Variants in GNA15 observed in about 807,000 individuals in gnomAD.
The protein encoded by GNA15 is guanine nucleotide-binding protein subunit alpha-15.
Under a neutral mutation model 40.1 loss-of-function variants are expected in GNA15, and 23 were observed. The ratio of observed to expected loss-of-function variants is 0.57; its 90% confidence interval spans 0.41 to 0.81. The LOEUF (loss-of-function observed/expected upper bound fraction) is 0.81. GNA15 is among the 40% of genes least tolerant of loss of function. The pLI is 0.00. For synonymous variants in GNA15, 226 were observed against 210.4 expected (o/e 1.07, Z -0.64); for missense variants, 522 against 515.8 (o/e 1.01, Z -0.12).
At chr19:3,159,211 A>T (rs1158222353) in intron 6 of GNA15, among the ~76,000 whole-genome samples, 1 of 150,048 alleles carries the variant, frequency 6.7e-6, no homozygotes, top group African/African-American at 2.5e-5. Flanking sequence ...TTTTTGGTCG[A>T]GATGGGGTTT....
At chr19:3,140,050 T>TCTAC (rs1914543859) in intron 1 of GNA15, among the ~76,000 whole-genome samples, 1 of 148,744 alleles carries the variant, frequency 6.7e-6, no homozygotes, top group South Asian at 2.1e-4. Context: ...AAAAAATCTA[T>TCTAC]CTATCTATCT....
chr19:3,144,622 C>T (rs1026937771), intron 1 of GNA15, among the ~76,000 whole-genome samples: 2 of 145,592 alleles, frequency 1.4e-5, no homozygotes, highest in Non-Finnish European at 3.0e-5. Context: ...TCCGCCTCCC[C>T]GGTTCACGCC....
intron 1 of GNA15, among the ~76,000 whole-genome samples, chr19:3,138,453 C>T (rs944514601): frequency 2.6e-5 from 4 of 152,120 alleles, no homozygotes; most frequent in East Asian, 1.9e-4. Context: ...TCTGGACTCG[C>T]GTTTGTCTGC....
At chr19:3,145,360 T>TATATATATA (rs1555705683) in intron 1 of GNA15, among the ~76,000 whole-genome samples, 313 of 21,524 alleles carry the variant, frequency 0.015, 2 homozygotes, top group African/African-American at 0.07. Flanking sequence ...TATATATATA[T>TATATATATA]TTTTTTTTTT....
chr19:3,142,095 G>T (rs1914590485), intron 1 of GNA15: 1 of 152,382 alleles, frequency 6.6e-6, no homozygotes. Flanking sequence ...TGATGACTGG[G>T]GCTTGGCACG....
chr19:3,148,587 C>A lies in GNA15; in HGVS notation c.146-4C>A, dbSNP rs747846070. 3 of 1,567,348 alleles carry A rather than the reference C, an allele frequency of 1.9e-6. No homozygotes were observed. The highest frequency in any genetic ancestry group is 2.7e-5 in the African/African-American group (2 of 73,902). ...GCTGAGCGGTTCTGCTGCTCCATCCCCAGGCCCAGGCGAGAGCGGGAAGAG... is the reference window on the plus strand; with the variant it reads ...GCTGAGCGGTTCTGCTGCTCCATCCACAGGCCCAGGCGAGAGCGGGAAGAG... On this transcript the variant is annotated splice_region_variant and splice_polypyrimidine_tract_variant and intron_variant, in intron 1 of 6. Coordinates refer to ENST00000262958, the MANE Select transcript of GNA15 (RefSeq NM_002068.4).
At chr19:3,154,537 T>G (rs1212633490) in intron 4 of GNA15, among the ~76,000 whole-genome samples, 1 of 149,006 alleles carries the variant, frequency 6.7e-6, no homozygotes, top group Non-Finnish European at 1.5e-5. Context: ...GGTGGGTCGG[T>G]GGGTGGATTT....
At position 3,136,307 on chromosome 19, in the gene GNA15, G is replaced by C. The variant is rs1364302565; in HGVS notation, c.-144G>C. ...TTCAGGCAAGGAAGTCTAGGTCCCT[G>C]GGGGGTGACCCCCAAGGAAAAGGCA... On this transcript the variant is annotated 5_prime_UTR_variant, in exon 1 of 7. Transcript: ENST00000262958. The surrounding 1 kb of genome is among the most constrained non-coding windows in gnomAD (Gnocchi z 4.9). 1 of 776,508 alleles carries C rather than the reference G, an allele frequency of 1.3e-6. No individual in the cohort carries two copies. The highest frequency in any genetic ancestry group is 1.8e-5 in the African/African-American group (1 of 55,662). 48.1% of individuals were successfully genotyped at this position (776,508 alleles called of 1,614,324 possible). A position where few individuals can be genotyped will look rare whatever the true frequency, so the allele number is the denominator to read the frequency against.
At chr19:3,145,359 A>ATATATATATATATATATATATTT in intron 1 of GNA15, among the ~76,000 whole-genome samples, 97 of 46,950 alleles carry the variant, frequency 2.1e-3, no homozygotes, top group Non-Finnish European at 3.0e-3. Context: ...ATATATATAT[A>ATATATATATATATATATATATTT]TTTTTTTTTT....
chr19:3,155,819 G>C lies in GNA15; in HGVS notation c.615-4G>C. 1 of 1,612,544 alleles carries C rather than the reference G, an allele frequency of 6.2e-7. No individual in the cohort carries two copies. Among genetic ancestry groups the C allele is most frequent in the Non-Finnish European group, 8.5e-7 (1 of 1,179,718 alleles). On this transcript the variant is annotated splice_region_variant and splice_polypyrimidine_tract_variant and intron_variant, in intron 4 of 6. Coordinates refer to ENST00000262958, the MANE Select transcript of GNA15 (RefSeq NM_002068.4). The surrounding 1 kb of genome is among the most constrained non-coding windows in gnomAD (Gnocchi z 5.6). ...CTGAAAGGGGGCACCTCGGTTCCCTGTAGGATCGTGGACGTCGGGGGCCAG... is the reference window on the plus strand; with the variant it reads ...CTGAAAGGGGGCACCTCGGTTCCCTCTAGGATCGTGGACGTCGGGGGCCAG...
Position 3,136,512 on chromosome 19 carries a change from C to A in GNA15, c.62C>A (p.Ala21Asp), listed in dbSNP as rs1324102337. Reference sequence around the variant, plus strand: ...TGCCTGACGGAGGATGAGAAGGCCGCCGCCCGGGTGGACCAGGAGATCAAC... The same window carrying A: ...TGCCTGACGGAGGATGAGAAGGCCGACGCCCGGGTGGACCAGGAGATCAAC... ...PWCLTEDEKA[A>D]ARVDQEINRI... is the part of the protein sequence containing the mutation. The change falls in exon 1 of 7, where the codon GCC becomes GAC. Residue 21 changes from alanine to aspartate, a missense_variant. By Grantham distance (126) the Ala-to-Asp change is moderately radical. Coordinates refer to ENST00000262958, the MANE Select transcript of GNA15 (RefSeq NM_002068.4). This position sits in a 1 kb window ranked among gnomAD's most constrained non-coding sequence, Gnocchi z 4.9. 6.4e-7 allele frequency: 1 copy of A among 1,563,772 alleles called. No individual in the cohort carries two copies.
chr19:3,142,786 C>T (rs901020), intron 1 of GNA15, among the ~76,000 whole-genome samples: 35,064 of 151,994 alleles, frequency 0.23, 4,044 homozygotes, highest in Non-Finnish European at 0.26. Context: ...GCAGGAGAAT[C>T]GCTTGAACCT....
intron 6 of GNA15, among the ~76,000 whole-genome samples, chr19:3,159,664 A>G (rs1915102832): frequency 6.6e-6 from 1 of 152,242 alleles, no homozygotes; most frequent in Non-Finnish European, 1.5e-5. Flanking sequence ...TTTTTAAAGC[A>G]GAGCTTTGAA....
chr19:3,154,536 G>C (rs999826734), intron 4 of GNA15, among the ~76,000 whole-genome samples: 7 of 151,030 alleles, frequency 4.6e-5, no homozygotes, highest in Admixed American at 1.3e-4. Flanking sequence ...GGGTGGGTCG[G>C]TGGGTGGATT....
rs1191752115 is a variant in GNA15, at chr19:3,145,336, A to AATATATAT, written c.146-3238_146-3231dup. On this transcript the variant is annotated intron_variant, in intron 1 of 6. Coordinates refer to ENST00000262958, the MANE Select transcript of GNA15 (RefSeq NM_002068.4). Reference sequence around the variant, plus strand: ...CAGTGTGCACCACTACGTCTGACTAAATATATATATATATATATATATATT... The same window carrying AATATATAT: ...CAGTGTGCACCACTACGTCTGACTAAATATATATATATATATATATATATATATATATT... Among the ~76,000 whole-genome samples the AATATATAT allele has an allele frequency of 1.9e-3, 113 of 60,202 alleles. 2 individuals carry two copies. The highest frequency in any genetic ancestry group is 7.7e-3 in the African/African-American group (97 of 12,566). The allele number at this position is 60,202 out of a possible 152,430, so 39.5% of individuals were successfully genotyped here.
chr19:3,147,170 T>C (rs1413487213), intron 1 of GNA15, among the ~76,000 whole-genome samples: 2 of 152,252 alleles, frequency 1.3e-5, no homozygotes, highest in Non-Finnish European at 2.9e-5. Flanking sequence ...CTCCTTGCCC[T>C]ATTTATCCTA....
intron 1 of GNA15, among the ~76,000 whole-genome samples, chr19:3,145,094 C>G (rs1424879514): frequency 6.6e-6 from 1 of 151,806 alleles, no homozygotes; most frequent in Non-Finnish European, 1.5e-5. Context: ...ACCTGGTGAT[C>G]TGCCTGCCTC....
At chr19:3,143,007 G>C (rs1261466471) in intron 1 of GNA15, 1 of 152,178 alleles carries the variant, frequency 6.6e-6, no homozygotes, top group Admixed American at 6.5e-5. Context: ...AGGAGCTGTC[G>C]AGCCTCCCAG....
chr19:3,141,455 G>A (rs957309205), intron 1 of GNA15: 1 of 152,240 alleles, frequency 6.6e-6, no homozygotes, highest in African/African-American at 2.4e-5. Context: ...GAGTGCAGTG[G>A]TGCGATCTCG....
Sources: gnomAD v4.1 joint callset for allele counts (sites outside exome capture counted in the v4.1 genomes callset) on GRCh38, gnomAD v4.1.1 for gene constraint, Gnocchi (gnomAD v3.1) non-coding constraint, MANE v1.5 for transcripts, NCBI Gene and HGNC (gene_info 2026-07-23, HGNC 2026-07-21) for gene names.